AKR1C8: variants seen among roughly 807,000 people sequenced by gnomAD.
AKR1C8 encodes aldo-keto reductase family 1 member C8.
the AKR1C8 span, chr10:5,154,248 G>T: frequency 2.1e-6 from 1 of 466,430 alleles, no homozygotes. Flanking sequence ...TTCTGAAGAA[G>T]CACTTGGGAT....
At chr10:5,131,976 T>C in the AKR1C8 span, among the ~76,000 whole-genome samples, 2 of 152,200 alleles carry the variant, frequency 1.3e-5, no homozygotes, top group Non-Finnish European at 1.5e-5. Flanking sequence ...AAATGTGTTA[T>C]ATGTACATCA....
chr10:5,121,056 G>A, the AKR1C8 span, among the ~76,000 whole-genome samples: 1 of 151,670 alleles, frequency 6.6e-6, no homozygotes, highest in Non-Finnish European at 1.5e-5. Context: ...TTTAAGTGAA[G>A]CATAAAACGA....
the AKR1C8 span, chr10:5,161,692 C>G: frequency 3.8e-6 from 2 of 533,058 alleles, no homozygotes; most frequent in Non-Finnish European, 7.7e-6. Flanking sequence ...TAGAGTCACT[C>G]AATTGTGAAA....
chr10:5,161,569 C>T, the AKR1C8 span: 62 of 388,594 alleles, frequency 1.6e-4, 1 homozygote, highest in South Asian at 1.2e-3. Flanking sequence ...GGAACACAAG[C>T]ACTGAGAAAT....
the AKR1C8 span, among the ~76,000 whole-genome samples, chr10:5,127,701 G>A: frequency 1.5e-5 from 2 of 133,598 alleles, no homozygotes; most frequent in African/African-American, 5.9e-5. Flanking sequence ...CAGCAGCCTG[G>A]GCAACAAAGC....
chr10:5,183,602 A>G, the AKR1C8 span, among the ~76,000 whole-genome samples: 3 of 152,198 alleles, frequency 2.0e-5, no homozygotes, highest in South Asian at 4.1e-4. Flanking sequence ...TGTTCCCCAC[A>G]TGACACCACC....
the AKR1C8 span, among the ~76,000 whole-genome samples, chr10:5,149,861 C>A: frequency 6.6e-6 from 1 of 151,284 alleles, no homozygotes; most frequent in Non-Finnish European, 1.5e-5. Flanking sequence ...AAGAATTAGG[C>A]GAAGAGAAAA....
chr10:5,131,982 C>A, the AKR1C8 span, among the ~76,000 whole-genome samples: 5 of 152,258 alleles, frequency 3.3e-5, no homozygotes, highest in South Asian at 1.0e-3. Context: ...GTTATATGTA[C>A]ATCATAGAAT....
chr10:5,123,551 C>G, the AKR1C8 span: 5 of 666,886 alleles, frequency 7.5e-6, no homozygotes, highest in Non-Finnish European at 1.3e-5. Flanking sequence ...AAGTGAGGCC[C>G]CTGAATAACA....
At chr10:5,152,588 TTTC>T in the AKR1C8 span, among the ~76,000 whole-genome samples, 4 of 152,184 alleles carry the variant, frequency 2.6e-5, no homozygotes, top group African/African-American at 9.7e-5. Context: ...CATTAACATT[TTTC>T]TCCGTGGAAA....
the AKR1C8 span, among the ~76,000 whole-genome samples, chr10:5,172,538 A>G: frequency 1.4e-3 from 218 of 152,226 alleles, no homozygotes; most frequent in African/African-American, 4.5e-3. Flanking sequence ...TTTATTTATT[A>G]AAAATTACAC....
chr10:5,122,536 C>G, the AKR1C8 span, among the ~76,000 whole-genome samples: 1 of 152,182 alleles, frequency 6.6e-6, no homozygotes, highest in Non-Finnish European at 1.5e-5. Context: ...TTCCCCACTT[C>G]CCCGGGAACT....
chr10:5,127,448 G>A, the AKR1C8 span, among the ~76,000 whole-genome samples: 1 of 152,102 alleles, frequency 6.6e-6, no homozygotes, highest in South Asian at 2.1e-4. Flanking sequence ...GGCTGGATGG[G>A]TGGCTCACAC....
chr10:5,156,418 A>G, the AKR1C8 span, among the ~76,000 whole-genome samples: 20 of 152,122 alleles, frequency 1.3e-4, no homozygotes, highest in African/African-American at 4.8e-4. Context: ...TTGTCAACAC[A>G]TAGTCCCTGA....
At chr10:5,164,459 T>C in the AKR1C8 span, among the ~76,000 whole-genome samples, 1 of 152,142 alleles carries the variant, frequency 6.6e-6, no homozygotes, top group African/African-American at 2.4e-5. Flanking sequence ...TTTTGATACA[T>C]TGATGAGACT....
the AKR1C8 span, among the ~76,000 whole-genome samples, chr10:5,130,007 A>T: frequency 3.0e-4 from 46 of 151,996 alleles, no homozygotes; most frequent in South Asian, 4.1e-4. Context: ...AACATAGATT[A>T]AAAAAATCCT....
At chr10:5,137,711 C>A in the AKR1C8 span, among the ~76,000 whole-genome samples, 1 of 152,104 alleles carries the variant, frequency 6.6e-6, no homozygotes, top group Non-Finnish European at 1.5e-5. Flanking sequence ...TATGTTCTTT[C>A]TATTTTCCAT....
chr10:5,179,682 CTTT>C, the AKR1C8 span, among the ~76,000 whole-genome samples: 1 of 117,702 alleles, frequency 8.5e-6, no homozygotes, highest in African/African-American at 3.1e-5. Context: ...TCTTTTTATT[CTTT>C]TTTCTCTAAA....
the AKR1C8 span, among the ~76,000 whole-genome samples, chr10:5,144,368 G>A: frequency 3.3e-5 from 5 of 152,154 alleles, no homozygotes; most frequent in Non-Finnish European, 5.9e-5. Flanking sequence ...CTCTTTTTTG[G>A]TTCCATATGA....
Sources: allele counts gnomAD v4.1 joint callset (sites outside exome capture counted in the v4.1 genomes callset), GRCh38; gene constraint gnomAD v4.1.1; transcripts MANE v1.5; gene names NCBI Gene and HGNC (gene_info 2026-07-23, HGNC 2026-07-21).